CELF2: variants seen among roughly 807,000 people sequenced by gnomAD.
CELF2 encodes the protein CUGBP Elav-like family member 2, also known as CUG triplet repeat RNA-binding protein 2.
Under a neutral mutation model 62.6 loss-of-function variants are expected in CELF2, and 8 were observed. That is an observed-to-expected ratio of 0.13 (90% CI 0.07 to 0.23). The LOEUF (loss-of-function observed/expected upper bound fraction) is 0.23. Among genes scored for constraint, CELF2 ranks in the 10% least tolerant of loss-of-function variants. CELF2 has a pLI of 1.00. For missense variants in CELF2, 333 were observed against 671.0 expected, an observed-to-expected ratio of 0.50 and a Z score of 5.56; for synonymous variants, 258 against 250.0, an observed-to-expected ratio of 1.03 and a Z score of -0.30.
At chr10:10,619,624 T>C in the CELF2 span, among the ~76,000 whole-genome samples, 1 of 152,220 alleles carries the variant, frequency 6.6e-6, no homozygotes, top group Non-Finnish European at 1.5e-5. Context: ...TTGCCTGCCC[T>C]GGAAGGCGTA....
intron 1 of CELF2, among the ~76,000 whole-genome samples, chr10:11,036,506 AATCTT>A (rs1359426833): frequency 2.0e-5 from 3 of 152,186 alleles, no homozygotes; most frequent in African/African-American, 7.2e-5. Flanking sequence ...TTATTTCCCT[AATCTT>A]ATCTTTTGCT....
chr10:11,192,570 G>A (rs1295549811), intron 2 of CELF2, among the ~76,000 whole-genome samples: 1 of 152,222 alleles, frequency 6.6e-6, no homozygotes, highest in African/African-American at 2.4e-5. Context: ...CATAACAGCT[G>A]TCCCCATGGC....
At chr10:11,032,338 T>C (rs180945307) in intron 1 of CELF2, among the ~76,000 whole-genome samples, 59 of 152,126 alleles carry the variant, frequency 3.9e-4, no homozygotes, top group Admixed American at 9.8e-4. Context: ...AGAATCTAGC[T>C]GGATGGGGTG....
the CELF2 span, among the ~76,000 whole-genome samples, chr10:10,483,053 G>A: frequency 1.3e-5 from 2 of 151,988 alleles, no homozygotes; most frequent in Admixed American, 6.6e-5. Flanking sequence ...TTCCTCATGT[G>A]GCTGGTGTGT....
the CELF2 span, among the ~76,000 whole-genome samples, chr10:10,513,522 G>GA: frequency 1.3e-5 from 2 of 152,006 alleles, no homozygotes; most frequent in African/African-American, 2.4e-5. Flanking sequence ...CTGGGGAAGA[G>GA]AAAAAATGAC....
chr10:10,775,877 C>G, the CELF2 span, among the ~76,000 whole-genome samples: 3 of 152,184 alleles, frequency 2.0e-5, no homozygotes, highest in Admixed American at 2.0e-4. Context: ...ACACGATGCC[C>G]TTTCATTATA....
At chr10:10,966,131 G>T (rs1447033642) in intron 2 of CELF2, among the ~76,000 whole-genome samples, 4 of 152,204 alleles carry the variant, frequency 2.6e-5, no homozygotes, top group Non-Finnish European at 5.9e-5. Context: ...GGTGAGTTTT[G>T]GTTTACACAC....
intron 1 of CELF2, among the ~76,000 whole-genome samples, chr10:10,873,637 T>C (rs1382327062): frequency 6.6e-6 from 1 of 152,262 alleles, no homozygotes; most frequent in Non-Finnish European, 1.5e-5. Flanking sequence ...TGGAAGTTTA[T>C]ACAACTTGAA....
chr10:10,711,943 T>C, the CELF2 span, among the ~76,000 whole-genome samples: 1 of 152,020 alleles, frequency 6.6e-6, no homozygotes, highest in African/African-American at 2.4e-5. Flanking sequence ...CACTACCAGT[T>C]CACCTATTGG....
chr10:10,522,080 C>T, the CELF2 span, among the ~76,000 whole-genome samples: 2 of 152,208 alleles, frequency 1.3e-5, no homozygotes, highest in Non-Finnish European at 2.9e-5. Context: ...CAAAACCTTG[C>T]AACTTCCTCA....
rs77732745 is a variant in CELF2 at position 11,081,513 on chromosome 10, C to T, written c.74+63350C>T. 8.0e-3 allele frequency among the ~76,000 whole-genome samples: 1,220 copies of T among 152,212 alleles called. 15 individuals are homozygous for T. The highest frequency in any genetic ancestry group is 0.028 in the African/African-American group (1,169 of 41,524). The stretch of plus-strand genomic sequence containing the variant: ...TTTCCCAGGAAAGATGGAAATTCTA[C>T]TTGAGGAGCCTGCTTTGCTGTTTTG... On this transcript the variant is annotated intron_variant, in intron 1 of 12. Coordinates refer to ENST00000633077, the MANE Select transcript of CELF2 (RefSeq NM_001326342.2).
At chr10:10,512,554 G>A in the CELF2 span, among the ~76,000 whole-genome samples, 6,280 of 151,902 alleles carry the variant, frequency 0.041, 421 homozygotes, top group African/African-American at 0.14. Flanking sequence ...TGAGATTACA[G>A]GCATGCGCCA....
chr10:10,667,533 A>C, the CELF2 span, among the ~76,000 whole-genome samples: 1 of 152,224 alleles, frequency 6.6e-6, no homozygotes, highest in Admixed American at 6.5e-5. Context: ...CCTATAACTT[A>C]AAGAGTATGT....
chr10:10,699,291 A>C, the CELF2 span, among the ~76,000 whole-genome samples: 1 of 152,210 alleles, frequency 6.6e-6, no homozygotes, highest in South Asian at 2.1e-4. Context: ...GTAAAATAAC[A>C]ATCATGACAG....
intron 1 of CELF2, among the ~76,000 whole-genome samples, chr10:11,018,614 C>T (rs2057738062): frequency 1.0e-5 from 1 of 98,750 alleles, no homozygotes; most frequent in Non-Finnish European, 2.1e-5. Flanking sequence ...TCCCGGGGTC[C>T]GGTGGGGCGG....
chr10:10,849,731 A>G (rs2132743673), intron 1 of CELF2, among the ~76,000 whole-genome samples: 1 of 152,262 alleles, frequency 6.6e-6, no homozygotes, highest in African/African-American at 2.4e-5. Context: ...GTTTTATCAT[A>G]CGTGTGTGTG....
At chr10:10,991,615 TTTG>T (rs1258872749) in intron 2 of CELF2, among the ~76,000 whole-genome samples, 13 of 152,218 alleles carry the variant, frequency 8.5e-5, no homozygotes, top group African/African-American at 3.1e-4. Context: ...TCTCAGTAAT[TTTG>T]TTTTCTCAAT....
chr10:10,960,642 G>C (rs2049394854), intron 2 of CELF2, among the ~76,000 whole-genome samples: 2 of 152,202 alleles, frequency 1.3e-5, no homozygotes, highest in African/African-American at 4.8e-5. Context: ...TGCATACCCA[G>C]TATTTTTAAT....
At chr10:11,148,057 A>G (rs2062604564) in intron 1 of CELF2, among the ~76,000 whole-genome samples, 1 of 152,286 alleles carries the variant, frequency 6.6e-6, no homozygotes, top group Non-Finnish European at 1.5e-5. Flanking sequence ...GTTTATTTGC[A>G]TAAATGAACA....
Sources: gnomAD v4.1 joint callset for allele counts (sites outside exome capture counted in the v4.1 genomes callset) on GRCh38, gnomAD v4.1.1 for gene constraint, MANE v1.5 for transcripts, NCBI Gene and HGNC (gene_info 2026-07-23, HGNC 2026-07-21) for gene names.